Variants in TOX2 observed in about 807,000 individuals in gnomAD.
The protein encoded by TOX2 is TOX high mobility group box family member 2.
A neutral mutation model predicts 47.4 loss-of-function variants in TOX2; 15 were observed. The observed-to-expected ratio is 0.32, with a 90% CI of 0.21 to 0.49. The LOEUF (loss-of-function observed/expected upper bound fraction) is 0.49. Among genes scored for constraint, TOX2 ranks in the 20% least tolerant of loss-of-function variants. TOX2 has a pLI of 0.99. For missense variants in TOX2, 622 were observed against 673.1 expected (o/e 0.92, Z 0.84); for synonymous variants, 290 against 296.6 (o/e 0.98, Z 0.23).
intron 1 of TOX2, among the ~76,000 whole-genome samples, chr20:43,925,590 G>C (rs1431256486): frequency 6.6e-6 from 1 of 152,194 alleles, no homozygotes; most frequent in Non-Finnish European, 1.5e-5. Flanking sequence ...GCTTCTCCCA[G>C]GGCTTTGGAC....
At chr20:44,042,154 G>A (rs930133427) in intron 3 of TOX2, among the ~76,000 whole-genome samples, 1 of 152,226 alleles carries the variant, frequency 6.6e-6, no homozygotes, top group Non-Finnish European at 1.5e-5. Flanking sequence ...GCAAAGGCAC[G>A]TCTTACGTGG....
At chr20:44,062,370 A>ATAAATAAG (rs1569149359) in intron 5 of TOX2, among the ~76,000 whole-genome samples, 1 of 131,208 alleles carries the variant, frequency 7.6e-6, no homozygotes, top group Non-Finnish European at 1.6e-5. Context: ...TAACTGCAAA[A>ATAAATAAG]TAAATAAATA....
chr20:43,928,377 A>G (rs1319925455), intron 1 of TOX2, among the ~76,000 whole-genome samples: 1 of 152,212 alleles, frequency 6.6e-6, no homozygotes, highest in East Asian at 1.9e-4. Context: ...ATTTTAAATG[A>G]GAGAAGGAAT....
At chr20:43,995,469 G>A (rs2070457373) in intron 2 of TOX2, among the ~76,000 whole-genome samples, 1 of 152,180 alleles carries the variant, frequency 6.6e-6, no homozygotes, top group African/African-American at 2.4e-5. Flanking sequence ...TGAAAACAGA[G>A]TTGAGAAACA....
rs146419108 is a variant in TOX2 at position 44,015,080 on chromosome 20, G to GGTGCCATGCTTTT, written c.411+8291_411+8303dup. ...GCACCTCCGAGTTGGGCTTTTCCAAGGTGCCATGCTTTTGTCTAACGTCCC... is the reference window on the plus strand; with the variant it reads ...GCACCTCCGAGTTGGGCTTTTCCAAGGTGCCATGCTTTTGTGCCATGCTTTTGTCTAACGTCCC... On this transcript the variant is annotated intron_variant, in intron 3 of 8. Coordinates refer to ENST00000341197, the MANE Select transcript of TOX2 (RefSeq NM_001098797.2). 1.7e-3 allele frequency among the ~76,000 whole-genome samples: 260 copies of GGTGCCATGCTTTT among 152,198 alleles called. 1 individual carries two copies. The highest frequency in any genetic ancestry group is 5.9e-3 in the African/African-American group (243 of 41,530).
chr20:43,957,751 C>T (rs906850749), intron 1 of TOX2, among the ~76,000 whole-genome samples: 7 of 152,086 alleles, frequency 4.6e-5, no homozygotes. Context: ...TTATTTGGCT[C>T]ACGATTCTGT....
At chr20:43,996,335 A>C (rs1034069840) in intron 2 of TOX2, among the ~76,000 whole-genome samples, 1 of 152,238 alleles carries the variant, frequency 6.6e-6, no homozygotes, top group Non-Finnish European at 1.5e-5. Flanking sequence ...TAGGGCGACC[A>C]TATAATTTAC....
At chr20:44,061,994 C>G (rs1247513868) in intron 5 of TOX2, among the ~76,000 whole-genome samples, 1 of 143,858 alleles carries the variant, frequency 7.0e-6, no homozygotes, top group Non-Finnish European at 1.5e-5. Flanking sequence ...TAAAAGCCAT[C>G]TATGATAAAT....
chr20:43,922,136 C>T (rs1365138232), intron 1 of TOX2, among the ~76,000 whole-genome samples: 1 of 152,108 alleles, frequency 6.6e-6, no homozygotes, highest in Non-Finnish European at 1.5e-5. Flanking sequence ...GAAATGCCTG[C>T]CTTCTATTGT....
rs2071555722 is a variant in TOX2, at chr20:44,053,481, T to TAC, written c.652-812_652-811dup. On this transcript the variant is annotated intron_variant, in intron 4 of 8. Coordinates refer to ENST00000341197, the MANE Select transcript of TOX2 (RefSeq NM_001098797.2). The stretch of plus-strand genomic sequence containing the variant: ...ACACACACACACACACATATATATA[T>TAC]ACACACATATATATACAGACATATA... Among the ~76,000 whole-genome samples, 4 of 142,554 alleles carry TAC rather than the reference T, an allele frequency of 2.8e-5. No individual in the cohort carries two copies. In the South Asian group the frequency reaches 8.6e-4, roughly 31 times the overall value. 93.5% of individuals were successfully genotyped at this position (142,554 alleles called of 152,430 possible). A position where few individuals can be genotyped will look rare whatever the true frequency, so the allele number is the denominator to read the frequency against.
chr20:43,916,352 C>A lies in TOX2; in HGVS notation c.99+1362C>A. On this transcript the variant is annotated intron_variant, in intron 1 of 8. Coordinates refer to ENST00000341197, the MANE Select transcript of TOX2 (RefSeq NM_001098797.2). This position sits in a 1 kb window ranked among gnomAD's most constrained non-coding sequence, Gnocchi z 5.0. Reference sequence around the variant, plus strand: ...TCCCGGGGCCTCCCGGGCTGGGCCTCCCTGAGTGCGCCCTCAGGCCCCAGG... The same window carrying A: ...TCCCGGGGCCTCCCGGGCTGGGCCTACCTGAGTGCGCCCTCAGGCCCCAGG... 7.0e-6 allele frequency: 4 copies of A among 573,874 alleles called. No homozygotes were observed. The highest frequency in any genetic ancestry group is 8.8e-6 in the Non-Finnish European group (4 of 453,700). 35.5% of individuals were successfully genotyped at this position (573,874 alleles called of 1,614,324 possible).
Position 44,061,288 on chromosome 20 carries a change from A to G in TOX2, c.880-3489A>G, listed in dbSNP as rs534722098. ...CCAGATAGATTCAGAGCTGAATTCT[A>G]TCAGACTTTTAAAGGACACTATTCC... On this transcript the variant is annotated intron_variant, in intron 5 of 8. Transcript: ENST00000341197. 2.0e-4 allele frequency among the ~76,000 whole-genome samples: 31 copies of G among 152,302 alleles called. No individual in the cohort carries two copies. The East Asian group carries it at 5.4e-3, about 26-fold the overall frequency.
chr20:44,049,942 G>A (rs904506218), intron 3 of TOX2, among the ~76,000 whole-genome samples: 5 of 152,190 alleles, frequency 3.3e-5, no homozygotes, highest in Non-Finnish European at 7.3e-5. Flanking sequence ...TAGTGCTGCA[G>A]TGAACACACA....
intron 3 of TOX2, among the ~76,000 whole-genome samples, chr20:44,014,539 AAGT>A (rs1164404753): frequency 6.6e-6 from 1 of 152,098 alleles, no homozygotes; most frequent in Admixed American, 6.5e-5. Flanking sequence ...AGGCTGACCT[AAGT>A]TCAAACCCCA....
chr20:44,054,010 T>C (rs2071573631), intron 4 of TOX2, among the ~76,000 whole-genome samples: 1 of 152,226 alleles, frequency 6.6e-6, no homozygotes, highest in Non-Finnish European at 1.5e-5. Context: ...ACGTGTAATT[T>C]AGTAATCTAA....
intron 1 of TOX2, among the ~76,000 whole-genome samples, chr20:43,926,639 G>A (rs1000159573): frequency 6.6e-6 from 1 of 152,220 alleles, no homozygotes; most frequent in African/African-American, 2.4e-5. Flanking sequence ...GAGCTTTTCA[G>A]TTCAGGATCG....
At chr20:43,998,320 A>G (rs1029833230) in intron 2 of TOX2, among the ~76,000 whole-genome samples, 29 of 152,362 alleles carry the variant, frequency 1.9e-4, no homozygotes, top group African/African-American at 6.7e-4. Flanking sequence ...GCCAAAGCCT[A>G]TCAGTGTAGT....
chr20:44,063,000 GGA>G (rs1569150086), intron 5 of TOX2, among the ~76,000 whole-genome samples: 1 of 152,030 alleles, frequency 6.6e-6, no homozygotes, highest in Non-Finnish European at 1.5e-5. Context: ...CAAAATGGAT[GGA>G]AGACTTAAAT....
chr20:43,916,641 G>T lies in TOX2; in HGVS notation c.99+1651G>T, dbSNP rs1029001467. On this transcript the variant is annotated intron_variant, in intron 1 of 8. Transcript: ENST00000341197. This position sits in a 1 kb window ranked among gnomAD's most constrained non-coding sequence, Gnocchi z 5.0. ...AAGTGGAGTTTTCAGGGAGGAGAAG[G>T]TTGGGTGTGGGGGCAGCTGGTCTGT... Among the ~76,000 whole-genome samples, 2 of 152,246 alleles carry T rather than the reference G, an allele frequency of 1.3e-5. No homozygotes were observed. Among genetic ancestry groups the T allele is most frequent in the Non-Finnish European group, 2.9e-5 (2 of 68,034 alleles).
Sources: gnomAD v4.1 joint callset for allele counts (sites outside exome capture counted in the v4.1 genomes callset) on GRCh38, gnomAD v4.1.1 for gene constraint, Gnocchi (gnomAD v3.1) non-coding constraint, MANE v1.5 for transcripts, NCBI Gene and HGNC (gene_info 2026-07-23, HGNC 2026-07-21) for gene names.